The following RTN4 variants were observed in gnomAD, a reference collection of about 807,000 sequenced individuals.
The protein encoded by RTN4 is reticulon-4.
In RTN4, 32 loss-of-function variants were observed where a neutral mutation model predicts 90.4. The observed-to-expected ratio is 0.35, with a 90% CI of 0.27 to 0.48. The LOEUF (loss-of-function observed/expected upper bound fraction) is 0.48. Among genes scored for constraint, RTN4 ranks in the 20% least tolerant of loss-of-function variants. RTN4 has a pLI of 0.99. For synonymous variants in RTN4, 629 were observed against 552.5 expected (o/e 1.14, Z -1.94); for missense variants, 1,706 against 1,430.2 (o/e 1.19, Z -3.11).
At chr2:54,976,139 T>C (rs1439025388) in intron 5 of RTN4, among the ~76,000 whole-genome samples, 3 of 152,222 alleles carry the variant, frequency 2.0e-5, no homozygotes, top group Non-Finnish European at 4.4e-5. Context: ...ACCTTCCATA[T>C]TTTAGAAGAA....
chr2:55,106,078 A>G lies in RTN4; in HGVS notation c.-214+6442T>C, dbSNP rs188251900. Among the ~76,000 whole-genome samples the G allele has an allele frequency of 4.6e-5, 7 of 152,212 alleles. No individual in the cohort carries two copies. The East Asian group carries it at 1.3e-3, about 29-fold the overall frequency. On this transcript the variant is annotated intron_variant, in intron 1 of 3. Transcript: ENST00000427710. ...CCTTTTCAAAAGCACATATTCAATTATATGTTCTACTATTTGGGGGGTTGT... is the reference window on the plus strand; with the variant it reads ...CCTTTTCAAAAGCACATATTCAATTGTATGTTCTACTATTTGGGGGGTTGT...
intron 1 of RTN4, among the ~76,000 whole-genome samples, chr2:55,104,100 G>C (rs1667900758): frequency 6.6e-6 from 1 of 151,960 alleles, no homozygotes; most frequent in South Asian, 2.1e-4. Flanking sequence ...GCCCAGTCTG[G>C]AGTGCAGTGG....
the RTN4 span, among the ~76,000 whole-genome samples, chr2:55,124,145 C>G: frequency 1.3e-5 from 2 of 152,214 alleles, no homozygotes; most frequent in Non-Finnish European, 2.9e-5. Flanking sequence ...ACCCTAATCC[C>G]CTCTCTTTTG....
chr2:55,058,635 A>G (rs1668233348), intron 2 of RTN4, among the ~76,000 whole-genome samples: 1 of 152,148 alleles, frequency 6.6e-6, no homozygotes, highest in Non-Finnish European at 1.5e-5. Context: ...TCTCTTGGTG[A>G]TTACATTGGG....
At chr2:55,008,790 CCT>C (rs1352829129) in intron 3 of RTN4, among the ~76,000 whole-genome samples, 5 of 152,006 alleles carry the variant, frequency 3.3e-5, no homozygotes, top group Non-Finnish European at 5.9e-5. Flanking sequence ...CAGAATGAGC[CCT>C]GATACGACTT....
Position 55,029,740 on chromosome 2 carries a change from A to C in RTN4, c.557-1520T>G, listed in dbSNP as rs759857674. Reference sequence around the variant, plus strand: ...AGATGAGGGTGATGACGGGAAATTTATGATGTGTGTTTAAAAGGGTTTCCT... The same window carrying C: ...AGATGAGGGTGATGACGGGAAATTTCTGATGTGTGTTTAAAAGGGTTTCCT... On this transcript the variant is annotated intron_variant, in intron 1 of 8. Coordinates refer to ENST00000337526, the MANE Select transcript of RTN4 (RefSeq NM_020532.5). 5.1e-4 allele frequency among the ~76,000 whole-genome samples: 77 copies of C among 152,210 alleles called. 1 individual carries two copies. Among genetic ancestry groups the C allele is most frequent in the Non-Finnish European group, 1.2e-4 (8 of 68,032 alleles).
chr2:55,025,388 G>C lies in RTN4; in HGVS notation c.2711C>G (p.Pro904Arg). 1 of 1,613,894 alleles carries C rather than the reference G, an allele frequency of 6.2e-7. No individual in the cohort carries two copies. ...VSHKSEIANA[P>R]DGAGSLPCTE... ...GCAAGGCAATGACCCAGCTCCATCC[G>C]GGGCATTAGCAATTTCACTTTTGTG... The change falls in exon 3 of 9, where the codon CCG becomes CGG. Residue 904 changes from proline to arginine, a missense_variant. Physicochemically the swap from Pro to Arg is moderately radical, Grantham distance 103. Coordinates refer to ENST00000337526, the MANE Select transcript of RTN4 (RefSeq NM_020532.5).
chr2:55,126,718 A>G, the RTN4 span, among the ~76,000 whole-genome samples: 2 of 152,254 alleles, frequency 1.3e-5, no homozygotes, highest in Non-Finnish European at 2.9e-5. Flanking sequence ...ATAAAGAAAC[A>G]TGCATGTGAA....
the RTN4 span, among the ~76,000 whole-genome samples, chr2:55,127,896 A>G: frequency 6.6e-6 from 1 of 150,588 alleles, no homozygotes; most frequent in East Asian, 2.0e-4. Flanking sequence ...TGGCATCAGA[A>G]CCACACCTCT....
chr2:55,113,481 C>A (rs936319736), upstream of RTN4, among the ~76,000 whole-genome samples: 13 of 152,226 alleles, frequency 8.5e-5, no homozygotes, highest in African/African-American at 2.4e-4. Flanking sequence ...AAGCTTCTGT[C>A]TGTCTCTCTG....
At chr2:55,080,426 T>C (rs1668689135) in intron 2 of RTN4, 1 of 152,054 alleles carries the variant, frequency 6.6e-6, no homozygotes, top group Non-Finnish European at 1.5e-5. Context: ...TAATTTGATA[T>C]AAAAAAATGA....
intron 2 of RTN4, among the ~76,000 whole-genome samples, chr2:55,068,496 A>G (rs1433958741): frequency 2.0e-5 from 3 of 152,124 alleles, no homozygotes; most frequent in African/African-American, 4.8e-5. Flanking sequence ...CCAAAATTCA[A>G]AATTTTAGTT....
intron 3 of RTN4, among the ~76,000 whole-genome samples, chr2:55,013,586 T>TGTTTTTTGGTGG (rs1680800267): frequency 2.5e-5 from 3 of 120,702 alleles, no homozygotes; most frequent in Non-Finnish European, 4.9e-5. Flanking sequence ...ACTGTGTGTA[T>TGTTTTTTGGTGG]GTTTTTTGGT....
In RTN4 at chr2:54,972,854, T is replaced by TATC. The variant is rs1329775166; in HGVS notation, c.*299_*301dup. ...GCAACTTGCCAAGATGCGGCAAGAC[T>TATC]ATCTGCAACAAAGTAAAATATACAG... On this transcript the variant is annotated 3_prime_UTR_variant, in exon 9 of 9. Coordinates refer to ENST00000337526, the MANE Select transcript of RTN4 (RefSeq NM_020532.5). 2.4e-5 allele frequency: 6 copies of TATC among 245,592 alleles called. No individual in the cohort carries two copies. Among genetic ancestry groups the TATC allele is most frequent in the Non-Finnish European group, 3.9e-5 (5 of 129,660 alleles). The allele number at this position is 245,592 out of a possible 1,614,324, so 15.2% of individuals were successfully genotyped here.
At chr2:55,052,543 G>A (rs1180209374), upstream of RTN4, among the ~76,000 whole-genome samples, 8 of 152,148 alleles carry the variant, frequency 5.3e-5, no homozygotes, top group Non-Finnish European at 7.4e-5. Context: ...TTTGAGTTTG[G>A]TGTTATTTTT....
At position 54,974,136 on chromosome 2, in the gene RTN4, TG is replaced by T. The variant is rs1273677730; in HGVS notation, c.3431-270del. The stretch of plus-strand genomic sequence containing the variant: ...AGATTTCATAAAATAAAGGTATCCC[TG>T]GTTAGATTTATGACTGCACCATCAT... On this transcript the variant is annotated intron_variant, in intron 6 of 8. Coordinates refer to ENST00000337526, the MANE Select transcript of RTN4 (RefSeq NM_020532.5). 1.8e-5 allele frequency: 7 copies of T among 381,028 alleles called. No homozygotes were observed. The East Asian group carries it at 3.8e-4, about 21-fold the overall frequency. The allele number at this position is 381,028 out of a possible 1,614,324, so 23.6% of individuals were successfully genotyped here.
At chr2:54,980,229 CTTTT>C (rs1400136780) in intron 5 of RTN4, among the ~76,000 whole-genome samples, 1 of 152,114 alleles carries the variant, frequency 6.6e-6, no homozygotes, top group Non-Finnish European at 1.5e-5. Flanking sequence ...TTTCTCAAAA[CTTTT>C]TTTAAAAAGT....
intron 1 of RTN4, among the ~76,000 whole-genome samples, chr2:55,103,082 C>T (rs1318026642): frequency 1.4e-5 from 2 of 141,562 alleles, no homozygotes; most frequent in South Asian, 4.4e-4. Flanking sequence ...CACACCATTG[C>T]ACTCCAGCAA....
the RTN4 span, among the ~76,000 whole-genome samples, chr2:55,122,731 G>T: frequency 6.6e-6 from 1 of 152,150 alleles, no homozygotes; most frequent in East Asian, 1.9e-4. Context: ...GGCAATAGTG[G>T]CCACAGCCCC....
Sources: gnomAD v4.1 joint callset for allele counts (sites outside exome capture counted in the v4.1 genomes callset) on GRCh38, gnomAD v4.1.1 for gene constraint, MANE v1.5 for transcripts, NCBI Gene and HGNC (gene_info 2026-07-23, HGNC 2026-07-21) for gene names.